Variants in BICC1 observed in about 807,000 individuals in gnomAD.
BICC1 encodes BicC family RNA binding protein 1.
BICC1 carries 43 observed loss-of-function variants against 111.0 expected under a neutral mutation model. The observed-to-expected ratio is 0.39, with a 90% CI of 0.30 to 0.50. BICC1 has a LOEUF of 0.50. BICC1 is among the 20% of genes least tolerant of loss of function. The probability of loss-of-function intolerance (pLI) is 0.88; values close to 1 mark genes in which losing one functional copy is unlikely to be tolerated. For missense variants in BICC1, 1,091 were observed against 1,203.2 expected (o/e 0.91, Z 1.38); for synonymous variants, 467 against 434.4 (o/e 1.07, Z -0.93).
intron 1 of BICC1, among the ~76,000 whole-genome samples, chr10:58,569,857 T>C (rs1649040): frequency 0.46 from 69,912 of 152,038 alleles, 17,102 homozygotes; most frequent in Admixed American, 0.62. Flanking sequence ...AACATATGTG[T>C]GCATGTGTCT....
intron 1 of BICC1, among the ~76,000 whole-genome samples, chr10:58,613,938 G>A (rs1476543499): frequency 1.3e-5 from 2 of 152,138 alleles, no homozygotes; most frequent in Non-Finnish European, 2.9e-5. Flanking sequence ...GCTTTTCTGG[G>A]TCTGTAAAAT....
intron 1 of BICC1, 77 bp from the exon 2 acceptor site, chr10:58,620,778 C>A: frequency 2.8e-6 from 4 of 1,411,766 alleles, no homozygotes; most frequent in East Asian, 4.6e-5. Context: ...CTTTTGCATT[C>A]TCATATCTGA....
chr10:58,699,342 G>A (rs1057363770), intron 2 of BICC1, among the ~76,000 whole-genome samples: 2 of 152,208 alleles, frequency 1.3e-5, no homozygotes, highest in Admixed American at 1.3e-4. Context: ...TAGAGGGAGT[G>A]TGTATAAAGC....
chr10:58,580,434 A>C (rs1309959184), intron 1 of BICC1, among the ~76,000 whole-genome samples: 1 of 152,180 alleles, frequency 6.6e-6, no homozygotes, highest in Non-Finnish European at 1.5e-5. Context: ...CTCAAAGGAA[A>C]TGTTCATTGG....
rs771622258 is a variant in BICC1 at position 58,626,422 on chromosome 10, G to T, written c.237+5521G>T. Among the ~76,000 whole-genome samples the T allele has an allele frequency of 5.9e-4, 90 of 152,290 alleles. 1 individual carries two copies. Among genetic ancestry groups the T allele is most frequent in the Middle Eastern group, 3.4e-3 (1 of 294 alleles). The stretch of plus-strand genomic sequence containing the variant: ...GAAAAGAAGAGTAACTTTCCACCCC[G>T]TAAAGGTTGTTTAGTCATCATCTAG... On this transcript the variant is annotated intron_variant, in intron 2 of 20. Transcript: ENST00000373886.
chr10:58,672,386 C>A (rs1454034446), intron 2 of BICC1, among the ~76,000 whole-genome samples: 3 of 152,082 alleles, frequency 2.0e-5, no homozygotes, highest in African/African-American at 7.2e-5. Context: ...TAAGGACGGG[C>A]ACTTATTTAG....
rs374832340 is a variant in BICC1, at chr10:58,754,342, A to T, written c.308-30659A>T. On this transcript the variant is annotated intron_variant, in intron 3 of 20. Coordinates refer to ENST00000373886, the MANE Select transcript of BICC1 (RefSeq NM_001080512.3). ...TATTGCAAGTAAAAGATGTTTTTTG[A>T]TTCAGTTGAATAGTACTTGAAAGAC... is the stretch of plus-strand genomic sequence containing the variant. 5.9e-5 allele frequency among the ~76,000 whole-genome samples: 9 copies of T among 152,184 alleles called. No homozygotes were observed. The South Asian group carries it at 6.2e-4, about 11-fold the overall frequency.
chr10:58,593,591 A>G (rs1844707640), intron 1 of BICC1, among the ~76,000 whole-genome samples: 1 of 152,144 alleles, frequency 6.6e-6, no homozygotes, highest in Non-Finnish European at 1.5e-5. Context: ...GGTAATACCC[A>G]GGCAAACAGG....
At chr10:58,728,961 CAT>C (rs1841201462) in intron 3 of BICC1, among the ~76,000 whole-genome samples, 1 of 152,126 alleles carries the variant, frequency 6.6e-6, no homozygotes, top group Non-Finnish European at 1.5e-5. Flanking sequence ...ACTGCAAACA[CAT>C]GTGCTGTCAT....
intron 1 of BICC1, among the ~76,000 whole-genome samples, chr10:58,540,693 A>G (rs1199691604): frequency 6.6e-6 from 1 of 152,052 alleles, no homozygotes; most frequent in African/African-American, 2.4e-5. Context: ...ATAAGAATTA[A>G]CACCAGTCCT....
intron 1 of BICC1, among the ~76,000 whole-genome samples, chr10:58,567,079 T>C (rs1843789904): frequency 6.6e-6 from 1 of 152,180 alleles, no homozygotes; most frequent in Non-Finnish European, 1.5e-5. Flanking sequence ...TGCAACTCTT[T>C]GGAGGCCTGC....
At chr10:58,717,036 A>T (rs1420927798) in intron 3 of BICC1, among the ~76,000 whole-genome samples, 1 of 152,160 alleles carries the variant, frequency 6.6e-6, no homozygotes, top group Non-Finnish European at 1.5e-5. Flanking sequence ...GTAATAATGA[A>T]TATTTTTTAG....
At chr10:58,820,002 T>C (rs929687254) in intron 19 of BICC1, among the ~76,000 whole-genome samples, 1 of 152,160 alleles carries the variant, frequency 6.6e-6, no homozygotes, top group African/African-American at 2.4e-5. Flanking sequence ...TGTTTTATTA[T>C]TTAGTTTCTT....
chr10:58,594,847 A>C lies in BICC1; in HGVS notation c.191-26008A>C, dbSNP rs185041738. On this transcript the variant is annotated intron_variant, in intron 1 of 20. Transcript: ENST00000373886. ...GAGCAAAACAACCAGCTAGCATCAT[A>C]ATGACAGGATCAAATTCACACATAA... Among the ~76,000 whole-genome samples the C allele has an allele frequency of 2.0e-5, 3 of 152,318 alleles. No homozygotes were observed. In the East Asian group the frequency reaches 5.8e-4, roughly 29 times the overall value.
intron 1 of BICC1, among the ~76,000 whole-genome samples, chr10:58,536,995 G>A (rs1300788058): frequency 6.6e-6 from 1 of 151,656 alleles, no homozygotes; most frequent in Non-Finnish European, 1.5e-5. Flanking sequence ...CCTAGCTTGA[G>A]TCAGGAAGAA....
At chr10:58,755,831 C>CTGCT (rs1842128809) in intron 3 of BICC1, among the ~76,000 whole-genome samples, 1 of 152,092 alleles carries the variant, frequency 6.6e-6, no homozygotes, top group Non-Finnish European at 1.5e-5. Context: ...TTGGCCACAC[C>CTGCT]TGCTTTCTTG....
chr10:58,516,598 A>G (rs1355801996), intron 1 of BICC1, among the ~76,000 whole-genome samples: 3 of 152,128 alleles, frequency 2.0e-5, no homozygotes, highest in Admixed American at 1.3e-4. Context: ...ATTAGTTTAC[A>G]GTTTTATAAA....
At chr10:58,655,012 T>C (rs1588978322) in intron 2 of BICC1, among the ~76,000 whole-genome samples, 1 of 145,194 alleles carries the variant, frequency 6.9e-6, no homozygotes, top group East Asian at 2.2e-4. Flanking sequence ...GCATTATTTC[T>C]GAGGGCTCTG....
At chr10:58,641,597 G>C (rs752437439) in intron 2 of BICC1, among the ~76,000 whole-genome samples, 1 of 152,062 alleles carries the variant, frequency 6.6e-6, no homozygotes, top group Admixed American at 6.5e-5. Flanking sequence ...ACTAGTCTTA[G>C]AGAGATTAAT....
Sources: allele counts gnomAD v4.1 joint callset (sites outside exome capture counted in the v4.1 genomes callset), GRCh38; gene constraint gnomAD v4.1.1; transcripts MANE v1.5; gene names NCBI Gene and HGNC (gene_info 2026-07-23, HGNC 2026-07-21).